The following WWOX variants were observed in gnomAD, a reference collection of about 807,000 sequenced individuals.
WWOX encodes WW domain-containing oxidoreductase.
WWOX carries 69 observed loss-of-function variants against 46.2 expected under a neutral mutation model. That is an observed-to-expected ratio of 1.49 (90% CI 1.23 to 1.82). The LOEUF is 1.82. WWOX is among the 40% of genes most tolerant of loss of function. The pLI is 0.00. For synonymous variants in WWOX, 359 were observed against 202.6 expected (o/e 1.77, Z -6.56); for missense variants, 919 against 542.6 (o/e 1.69, Z -6.89).
chr16:78,496,053 G>C lies in WWOX; in HGVS notation c.1056+63301G>C, dbSNP rs546792751. The C allele has an allele frequency of 5.3e-5, 8 of 152,216 alleles. No individual in the cohort carries two copies. The East Asian group carries it at 1.2e-3, about 22-fold the overall frequency. 9.4% of individuals were successfully genotyped at this position (152,216 alleles called of 1,614,324 possible). ...GTTTTAGTTTTGCTTTAGAATTTTT[G>C]GATGATTAGACTTGTACTTCTTTTA... On this transcript the variant is annotated intron_variant, in intron 8 of 8. Transcript: ENST00000566780.
At chr16:78,558,048 C>T (rs922277990) in intron 8 of WWOX, among the ~76,000 whole-genome samples, 2 of 152,004 alleles carry the variant, frequency 1.3e-5, no homozygotes, top group African/African-American at 2.4e-5. Context: ...CCTCAGTGAG[C>T]ATTTGTTGAC....
At chr16:78,640,794 C>G (rs1420984253) in intron 8 of WWOX, among the ~76,000 whole-genome samples, 1 of 151,948 alleles carries the variant, frequency 6.6e-6, no homozygotes, top group East Asian at 1.9e-4. Context: ...AAAAAATTAG[C>G]CGGGCGTGGC....
intron 8 of WWOX, among the ~76,000 whole-genome samples, chr16:79,168,732 A>T (rs1467139086): frequency 1.3e-5 from 2 of 152,066 alleles, no homozygotes; most frequent in Non-Finnish European, 2.9e-5. Flanking sequence ...GGCAAGGGGG[A>T]GGGGTAAACC....
rs144677918 is a variant in WWOX at position 79,028,423 on chromosome 16, G to A, written c.1057-183185G>A. On this transcript the variant is annotated intron_variant, in intron 8 of 8. Transcript: ENST00000566780. The stretch of plus-strand genomic sequence containing the variant: ...ACAGAAACATGAGGCAGTGTACAGC[G>A]CTTATCTGTGGCATTTGATTAGGAC... 5.0e-3 allele frequency among the ~76,000 whole-genome samples: 762 copies of A among 151,832 alleles called. 34 individuals carry two copies. Among genetic ancestry groups the A allele is most frequent in the African/African-American group, 0.017 (715 of 41,166 alleles).
intron 8 of WWOX, among the ~76,000 whole-genome samples, chr16:79,159,729 C>G (rs2050448519): frequency 1.3e-5 from 2 of 152,212 alleles, no homozygotes; most frequent in African/African-American, 2.4e-5. Context: ...CATGCTCAAT[C>G]TAGTTTTATT....
intron 8 of WWOX, among the ~76,000 whole-genome samples, chr16:78,836,849 T>G (rs1421869549): frequency 1.3e-5 from 2 of 152,114 alleles, no homozygotes; most frequent in African/African-American, 2.4e-5. Context: ...TGAAACAGAA[T>G]CTCTTAGCAT....
chr16:78,352,780 A>G (rs557160600), intron 5 of WWOX, among the ~76,000 whole-genome samples: 2 of 126,562 alleles, frequency 1.6e-5, no homozygotes, highest in African/African-American at 6.2e-5. Context: ...ATGCTTCTTA[A>G]AGAATGCATG....
chr16:78,099,911 G>C (rs2031641617), intron 1 of WWOX, 26 bp downstream of exon 1: 1 of 1,550,544 alleles, frequency 6.4e-7, no homozygotes. Context: ...TGGGGCCGCG[G>C]ACGCACCTGG....
At chr16:78,349,989 C>G (rs1436182002) in intron 5 of WWOX, among the ~76,000 whole-genome samples, 1 of 121,328 alleles carries the variant, frequency 8.2e-6, no homozygotes, top group East Asian at 1.9e-4. Context: ...TGCATTTGTA[C>G]ACTCTTAAGC....
At chr16:78,543,332 C>A (rs2043945053) in intron 8 of WWOX, among the ~76,000 whole-genome samples, 1 of 152,176 alleles carries the variant, frequency 6.6e-6, no homozygotes, top group Admixed American at 6.5e-5. Flanking sequence ...ATGTCTCATC[C>A]CCCTGTGGGC....
At chr16:79,108,125 GA>G (rs1438701866) in intron 8 of WWOX, among the ~76,000 whole-genome samples, 1 of 152,148 alleles carries the variant, frequency 6.6e-6, no homozygotes, top group Non-Finnish European at 1.5e-5. Context: ...TAATTGGGGG[GA>G]AACCTAAATT....
At chr16:78,711,017 G>C (rs76395230) in intron 8 of WWOX, among the ~76,000 whole-genome samples, 1,822 of 152,242 alleles carry the variant, frequency 0.012, 38 homozygotes, top group African/African-American at 0.041. Flanking sequence ...TGTTTGTCAA[G>C]GCCAGATTTC....
intron 8 of WWOX, chr16:78,535,622 T>C (rs555068799): frequency 2.6e-5 from 4 of 152,364 alleles, no homozygotes; most frequent in African/African-American, 7.2e-5. Context: ...CCTTGGCTGA[T>C]ACCTTCTGAC....
rs374743831 is a variant in WWOX at position 78,375,355 on chromosome 16, T to A, written c.517-11505T>A. 2.6e-5 allele frequency among the ~76,000 whole-genome samples: 4 copies of A among 152,352 alleles called. No homozygotes were observed. The East Asian group carries it at 7.7e-4, about 29-fold the overall frequency. ...GCCTGAGTTTCCAAATGGCTTATGG[T>A]AAGTTGTTGCTGCCACTATGAGTAG... On this transcript the variant is annotated intron_variant, in intron 5 of 8. Coordinates refer to ENST00000566780, the MANE Select transcript of WWOX (RefSeq NM_016373.4).
chr16:78,177,655 T>C (rs2035393703), intron 5 of WWOX, among the ~76,000 whole-genome samples: 1 of 152,170 alleles, frequency 6.6e-6, no homozygotes, highest in South Asian at 2.1e-4. Context: ...TTCGGGGCCT[T>C]GGATTCCAGT....
chr16:78,928,562 A>G (rs1322803434), intron 8 of WWOX, among the ~76,000 whole-genome samples: 3 of 152,130 alleles, frequency 2.0e-5, no homozygotes, highest in African/African-American at 7.2e-5. Flanking sequence ...TTTTCGTTAC[A>G]GATATTTGAT....
At chr16:78,991,695 A>G (rs373673897) in intron 8 of WWOX, among the ~76,000 whole-genome samples, 5 of 151,174 alleles carry the variant, frequency 3.3e-5, no homozygotes, top group Admixed American at 2.0e-4. Flanking sequence ...TTCCTTTCCT[A>G]TACAACGCAA....
At chr16:78,687,150 A>C (rs867296147) in intron 8 of WWOX, among the ~76,000 whole-genome samples, 1 of 152,164 alleles carries the variant, frequency 6.6e-6, no homozygotes, top group African/African-American at 2.4e-5. Flanking sequence ...TAACCACCCA[A>C]ATTAGCAGTG....
intron 5 of WWOX, among the ~76,000 whole-genome samples, chr16:78,257,682 T>A (rs1196225760): frequency 7.3e-6 from 1 of 136,100 alleles, no homozygotes; most frequent in East Asian, 2.5e-4. Flanking sequence ...ATTGGGAGGC[T>A]TAAAAAAAAG....
Sources: gnomAD v4.1 joint callset for allele counts (sites outside exome capture counted in the v4.1 genomes callset) on GRCh38, gnomAD v4.1.1 for gene constraint, MANE v1.5 for transcripts, NCBI Gene and HGNC (gene_info 2026-07-23, HGNC 2026-07-21) for gene names.